MCCC2: variants seen among roughly 807,000 people sequenced by gnomAD.
MCCC2 encodes the protein methylcrotonoyl-CoA carboxylase beta chain, mitochondrial.
MCCC2 carries 52 observed loss-of-function variants against 77.2 expected under a neutral mutation model. The observed-to-expected ratio is 0.67, with a 90% confidence interval of 0.54 to 0.85. The LOEUF is 0.85. Ranked by LOEUF, MCCC2 falls within the 40% of genes least tolerant of loss-of-function variation. The pLI, the probability that MCCC2 is intolerant of heterozygous loss-of-function variation, is 0.00. For missense variants in MCCC2, 682 were observed against 703.2 expected, an observed-to-expected ratio of 0.97 and a Z score of 0.34; for synonymous variants, 253 against 248.4, an observed-to-expected ratio of 1.02 and a Z score of -0.18.
At chr5:71,641,101 C>T (rs151165118) in intron 11 of MCCC2, 26 bp downstream of exon 11, 11 of 1,585,102 alleles carry the variant, frequency 6.9e-6, no homozygotes, top group African/African-American at 2.7e-5. Context: ...ATTGAAAATA[C>T]GAACATTTTC....
chr5:71,592,838 GT>G lies in MCCC2; in HGVS notation c.130-72del, dbSNP rs371137817. 0.15 allele frequency: 116,857 copies of G among 761,126 alleles called. 8 individuals carry two copies. Among genetic ancestry groups the G allele is most frequent in the East Asian group, 0.18 (5,749 of 31,754 alleles). The allele number at this position is 761,126 out of a possible 1,614,324, so 47.1% of individuals were successfully genotyped here. ...CCACACAGAGTTGGCACAGACCACT[GT>G]TTTTTTTTTTTTTTTGACCTTTATT... On this transcript the variant is annotated intron_variant, in intron 1 of 16. Coordinates refer to ENST00000340941, the MANE Select transcript of MCCC2 (RefSeq NM_022132.5).
chr5:71,597,948 T>G (rs1745253761), intron 3 of MCCC2, among the ~76,000 whole-genome samples: 1 of 152,234 alleles, frequency 6.6e-6, no homozygotes, highest in African/African-American at 2.4e-5. Flanking sequence ...TGCCCCTTAC[T>G]TACTGTGTAA....
At chr5:71,632,466 G>A (rs1656186657) in intron 8 of MCCC2, among the ~76,000 whole-genome samples, 2 of 152,198 alleles carry the variant, frequency 1.3e-5, no homozygotes. Context: ...GGGTGCCTGA[G>A]GTAAGAGGTA....
At chr5:71,642,871 C>T (rs1435149312) in intron 11 of MCCC2, among the ~76,000 whole-genome samples, 1 of 152,116 alleles carries the variant, frequency 6.6e-6, no homozygotes, top group Admixed American at 6.5e-5. Context: ...GTAGTGACTA[C>T]TGGGGCCTAT....
rs1322722550 is a variant in MCCC2, at chr5:71,596,364, G to A, written c.281G>A (p.Gly94Glu). 4.3e-6 allele frequency: 7 copies of A among 1,613,236 alleles called. No homozygotes were observed. The highest frequency in any genetic ancestry group is 5.1e-6 in the Non-Finnish European group (6 of 1,179,438). The stretch of plus-strand genomic sequence containing the variant: ...AGAATTGACAATCTCATAGACCCAG[G>A]GTGCGTACATAGCCAAGTACTGACT... ...RERIDNLIDP[G>E]SPFLELSQFA... Residue 94 changes from glycine to glutamate, a missense_variant and splice_region_variant, in exon 3 of 17, where the codon GGG becomes GAG. Gly to Glu is a moderately conservative substitution (Grantham distance 98). Coordinates refer to ENST00000340941, the MANE Select transcript of MCCC2 (RefSeq NM_022132.5).
chr5:71,624,457 A>C (rs1162170478), intron 6 of MCCC2, among the ~76,000 whole-genome samples: 3 of 149,958 alleles, frequency 2.0e-5, no homozygotes, highest in Admixed American at 6.6e-5. Context: ...GGCTTACCGC[A>C]ACCTGTGCCT....
chr5:71,643,780 A>G lies in MCCC2; in HGVS notation c.1073-39A>G, dbSNP rs967202215. The G allele has an allele frequency of 1.9e-6, 3 of 1,614,016 alleles. No individual in the cohort carries two copies. The Admixed American group carries it at 5.0e-5, about 27-fold the overall frequency. ...TTCTTGTGAATTGAAGCCCTTGGAAAAGCACAAGACATAAATCTTCTTTGA... is the reference window on the plus strand; with the variant it reads ...TTCTTGTGAATTGAAGCCCTTGGAAGAGCACAAGACATAAATCTTCTTTGA... On this transcript the variant is annotated intron_variant, in intron 11 of 16. Coordinates refer to ENST00000340941, the MANE Select transcript of MCCC2 (RefSeq NM_022132.5).
rs572281175 is a variant in MCCC2 at position 71,611,923 on chromosome 5, G to A, written c.624+7455G>A. Among the ~76,000 whole-genome samples, 8 of 151,712 alleles carry A rather than the reference G, an allele frequency of 5.3e-5. No individual in the cohort carries two copies. In the South Asian group the frequency reaches 6.3e-4, roughly 12 times the overall value. ...CCTGCCTCAGCCTCCTGAGTAGCTG[G>A]GACTACAGGCGCCCACCACCATGCC... is the stretch of plus-strand genomic sequence containing the variant. On this transcript the variant is annotated intron_variant, in intron 6 of 16. Transcript: ENST00000340941.
In MCCC2 at chr5:71,658,231, GCT is replaced by G. The variant is rs1485482096; in HGVS notation, c.*1376_*1377del. 1 of 152,098 alleles carries G rather than the reference GCT, an allele frequency of 6.6e-6. No individual in the cohort carries two copies. Among genetic ancestry groups the G allele is most frequent in the Non-Finnish European group, 1.5e-5 (1 of 68,036 alleles). The allele number at this position is 152,098 out of a possible 1,614,324, so 9.4% of individuals were successfully genotyped here. A position where few individuals can be genotyped will look rare whatever the true frequency, so the allele number is the denominator to read the frequency against. ...CCGGAGAACGGCTCCAGCTGTTCTA[GCT>G]CTCTTTCAGTTCTTTGAACCTTCCC... On this transcript the variant is annotated 3_prime_UTR_variant, in exon 17 of 17. Transcript: ENST00000340941.
chr5:71,610,535 G>A (rs944460094), intron 6 of MCCC2, among the ~76,000 whole-genome samples: 2 of 152,164 alleles, frequency 1.3e-5, no homozygotes, highest in African/African-American at 2.4e-5. Flanking sequence ...CTTCTGCGTC[G>A]CTCACGCTGA....
chr5:71,587,628 C>A, intron 1 of MCCC2, 74 bp downstream of exon 1: 1 of 1,508,732 alleles, frequency 6.6e-7, no homozygotes, highest in Non-Finnish European at 8.9e-7. Context: ...CACGCTTCAA[C>A]AACTGCTGCT....
chr5:71,644,220 GC>G (rs1747218377), intron 12 of MCCC2, among the ~76,000 whole-genome samples: 1 of 152,056 alleles, frequency 6.6e-6, no homozygotes, highest in Non-Finnish European at 1.5e-5. Context: ...AGTTATAATT[GC>G]TATAGAGGAC....
chr5:71,646,064 TAA>T, intron 12 of MCCC2, 145 bp from the exon 13 acceptor site: 8 of 450,706 alleles, frequency 1.8e-5, no homozygotes, highest in African/African-American at 2.0e-5. Context: ...CATGTTTCTT[TAA>T]AAAAAAAAAA....
chr5:71,596,403 G>C (rs1184435611), intron 3 of MCCC2, 39 bp downstream of exon 3: 1 of 1,499,728 alleles, frequency 6.7e-7, no homozygotes. Flanking sequence ...AGTGTTCTCT[G>C]TTCCATAGTA....
chr5:71,599,403 G>C (rs1225157780), intron 3 of MCCC2, among the ~76,000 whole-genome samples: 1 of 152,050 alleles, frequency 6.6e-6, no homozygotes, highest in Non-Finnish European at 1.5e-5. Flanking sequence ...AAGAGATGGG[G>C]TCTCACTATG....
intron 3 of MCCC2, among the ~76,000 whole-genome samples, chr5:71,599,310 C>A (rs1745330431): frequency 6.6e-6 from 1 of 152,022 alleles, no homozygotes; most frequent in South Asian, 2.1e-4. Context: ...GTGGAGGTTG[C>A]AGTGAGCTGA....
At chr5:71,604,499 T>A in intron 6 of MCCC2, 31 bp downstream of exon 6, 1 of 1,498,204 alleles carries the variant, frequency 6.7e-7, no homozygotes, top group Non-Finnish European at 9.3e-7. Context: ...TGTACAGTGG[T>A]GCTTTTTACT....
intron 4 of MCCC2, among the ~76,000 whole-genome samples, chr5:71,601,264 C>T (rs372126219): frequency 1.2e-4 from 18 of 152,234 alleles, no homozygotes; most frequent in African/African-American, 4.3e-4. Flanking sequence ...GTTGGCAGAG[C>T]CAGAATTTCA....
chr5:71,611,382 A>G (rs1008501222), intron 6 of MCCC2, among the ~76,000 whole-genome samples: 1 of 152,234 alleles, frequency 6.6e-6, no homozygotes, highest in Non-Finnish European at 1.5e-5. Context: ...AGCCTGAGAA[A>G]CAGAATGAGA....
Sources: gnomAD v4.1 joint callset for allele counts (sites outside exome capture counted in the v4.1 genomes callset) on GRCh38, gnomAD v4.1.1 for gene constraint, MANE v1.5 for transcripts, NCBI Gene and HGNC (gene_info 2026-07-23, HGNC 2026-07-21) for gene names.